PRKN: variants seen among roughly 807,000 people sequenced by gnomAD.
The protein encoded by PRKN is E3 ubiquitin-protein ligase parkin.
PRKN carries 56 observed loss-of-function variants against 59.5 expected under a neutral mutation model. The observed-to-expected ratio is 0.94, with a 90% CI of 0.76 to 1.18. PRKN has a LOEUF of 1.18. PRKN is among the 50% of genes most tolerant of loss of function. The pLI is 0.00. For missense variants in PRKN, 657 were observed against 596.4 expected (o/e 1.10, Z -1.06); for synonymous variants, 250 against 222.1 (o/e 1.13, Z -1.12).
intron 10 of PRKN, among the ~76,000 whole-genome samples, chr6:161,364,954 A>T (rs1484685883): frequency 2.0e-5 from 3 of 151,960 alleles, no homozygotes; most frequent in Non-Finnish European, 4.4e-5. Flanking sequence ...AAATCAGAGT[A>T]GAACTAGATG....
chr6:162,668,268 C>T (rs986865074), intron 1 of PRKN, among the ~76,000 whole-genome samples: 2 of 151,962 alleles, frequency 1.3e-5, no homozygotes, highest in African/African-American at 2.4e-5. Flanking sequence ...ATAAAAAGGG[C>T]ACAGATTTTA....
intron 7 of PRKN, among the ~76,000 whole-genome samples, chr6:161,612,924 A>C (rs1414666413): frequency 6.6e-6 from 1 of 152,132 alleles, no homozygotes; most frequent in Non-Finnish European, 1.5e-5. Flanking sequence ...CTGGTTACCC[A>C]AGAGCTCTGA....
At chr6:162,166,047 CAAAAAAAA>C (rs10557222) in intron 4 of PRKN, among the ~76,000 whole-genome samples, 219 of 80,218 alleles carry the variant, frequency 2.7e-3, no homozygotes, top group Non-Finnish European at 3.9e-3. Context: ...GACTCTATCT[CAAAAAAAA>C]AAAAAAAAAA....
intron 2 of PRKN, among the ~76,000 whole-genome samples, chr6:162,426,393 C>T (rs559851628): frequency 2.6e-5 from 4 of 152,278 alleles, no homozygotes; most frequent in East Asian, 1.9e-4. Flanking sequence ...CTGGATCTTG[C>T]GTGGACAGCA....
At position 162,406,058 on chromosome 6, in the gene PRKN, T is replaced by C. The variant is rs563414163; in HGVS notation, c.171+37252A>G. Among the ~76,000 whole-genome samples, 6 of 152,336 alleles carry C rather than the reference T, an allele frequency of 3.9e-5. No individual in the cohort carries two copies. The South Asian group carries it at 1.2e-3, about 32-fold the overall frequency. On this transcript the variant is annotated intron_variant, in intron 2 of 11. Coordinates refer to ENST00000366898, the MANE Select transcript of PRKN (RefSeq NM_004562.3). ...CAGCTTTACACAAGGAGCATCATTT[T>C]TCCCTAGGTATGATTTTTATCCAAT... is the stretch of plus-strand genomic sequence containing the variant.
At position 162,002,447 on chromosome 6, in the gene PRKN, A is replaced by G. The variant is rs1436098199; in HGVS notation, c.619-29030T>C. On this transcript the variant is annotated intron_variant, in intron 5 of 11. Coordinates refer to ENST00000366898, the MANE Select transcript of PRKN (RefSeq NM_004562.3). ...GATTGTAAATATAGATTTGTTCATA[A>G]TATTCCTTTATAAGCCTTTCATTGT... Among the ~76,000 whole-genome samples, 5 of 152,018 alleles carry G rather than the reference A, an allele frequency of 3.3e-5. No individual in the cohort carries two copies. In the East Asian group the frequency reaches 9.6e-4, roughly 29 times the overall value.
In PRKN at chr6:161,801,185, C is replaced by G. The variant is rs1193146393; in HGVS notation, c.735-15277G>C. Among the ~76,000 whole-genome samples, 4 of 152,234 alleles carry G rather than the reference C, an allele frequency of 2.6e-5. No homozygotes were observed. In the South Asian group the frequency reaches 8.3e-4, roughly 32 times the overall value. On this transcript the variant is annotated intron_variant, in intron 6 of 11. Transcript: ENST00000366898. The stretch of plus-strand genomic sequence containing the variant: ...CAGAGCCAGCGCTGCATAAGTTCCA[C>G]CCACATTCCTCAATTCCGCATGCCA...
intron 9 of PRKN, among the ~76,000 whole-genome samples, chr6:161,474,284 G>A (rs1245910281): frequency 6.6e-6 from 1 of 152,144 alleles, no homozygotes; most frequent in Non-Finnish European, 1.5e-5. Flanking sequence ...TTACCTTGTT[G>A]GCTACCCCAT....
At chr6:162,725,249 A>G (rs370447895) in intron 1 of PRKN, among the ~76,000 whole-genome samples, 1 of 152,204 alleles carries the variant, frequency 6.6e-6, no homozygotes, top group Non-Finnish European at 1.5e-5. Context: ...TTTGAGAAGC[A>G]CTCTTACCTT....
intron 4 of PRKN, among the ~76,000 whole-genome samples, chr6:162,095,444 G>A (rs1779685961): frequency 6.6e-6 from 1 of 152,092 alleles, no homozygotes; most frequent in South Asian, 2.1e-4. Context: ...CATATATGTT[G>A]AGAGGTTATT....
intron 4 of PRKN, among the ~76,000 whole-genome samples, chr6:162,115,435 T>C (rs2128303743): frequency 6.6e-6 from 1 of 152,000 alleles, no homozygotes; most frequent in East Asian, 1.9e-4. Flanking sequence ...GCAAGGCACA[T>C]GTATACATAT....
At chr6:161,889,849 G>C (rs1467921470) in intron 6 of PRKN, among the ~76,000 whole-genome samples, 1 of 152,140 alleles carries the variant, frequency 6.6e-6, no homozygotes, top group African/African-American at 2.4e-5. Context: ...GAAAATGACA[G>C]CTTCCAATTA....
chr6:162,177,349 G>C (rs566038719), intron 4 of PRKN, among the ~76,000 whole-genome samples: 1 of 152,294 alleles, frequency 6.6e-6, no homozygotes, highest in East Asian at 1.9e-4. Context: ...GCATGCCAGA[G>C]ATATCAGAAA....
rs756699323 is a variant in PRKN, at chr6:162,342,355, CGTTGGT to C, written c.172-79596_172-79591del. ...ATACTTTCAAAACAAAACAAAACAA[CGTTGGT>C]GTTTAATAAGACCCTGAATAAGCTA... On this transcript the variant is annotated intron_variant, in intron 2 of 11. Transcript: ENST00000366898. Among the ~76,000 whole-genome samples, 176 of 152,242 alleles carry C rather than the reference CGTTGGT, an allele frequency of 1.2e-3. 1 individual carries two copies. Among genetic ancestry groups the C allele is most frequent in the Non-Finnish European group, 2.0e-3 (139 of 68,018 alleles).
rs990488151 is a variant in PRKN at position 161,538,146 on chromosome 6, G to T, written c.1083+10708C>A. 1.3e-5 allele frequency among the ~76,000 whole-genome samples: 2 copies of T among 152,118 alleles called. No homozygotes were observed. The highest frequency in any genetic ancestry group is 4.8e-5 in the African/African-American group (2 of 41,428). ...AGGAAGAAAATTGCTTTTTGGAAGT[G>T]CAGCAATAGGCCCGCTTGACAAATT... On this transcript the variant is annotated intron_variant, in intron 9 of 11. Coordinates refer to ENST00000366898, the MANE Select transcript of PRKN (RefSeq NM_004562.3). This position sits in a 1 kb window ranked among gnomAD's most constrained non-coding sequence, Gnocchi z 4.2.
intron 7 of PRKN, among the ~76,000 whole-genome samples, chr6:161,753,991 G>A (rs543368359): frequency 1.3e-5 from 2 of 152,208 alleles, no homozygotes; most frequent in South Asian, 2.1e-4. Context: ...AGAGGAGGAC[G>A]ATCCCAGACG....
At chr6:161,938,649 A>G (rs1389968310) in intron 6 of PRKN, among the ~76,000 whole-genome samples, 1 of 152,238 alleles carries the variant, frequency 6.6e-6, no homozygotes, top group African/African-American at 2.4e-5. Context: ...AACGAAAGAA[A>G]CAAGATGAGT....
rs1290684330 is a variant in PRKN at position 161,551,215 on chromosome 6, G to C, written c.934-2212C>G. On this transcript the variant is annotated intron_variant, in intron 8 of 11. Transcript: ENST00000366898. This position sits in a 1 kb window ranked among gnomAD's most constrained non-coding sequence, Gnocchi z 5.2. The stretch of plus-strand genomic sequence containing the variant: ...ATTGCCTGTGAGTGATTACTGCATA[G>C]ATTTCTTAGAGGCTTCATACATAAC... 6.6e-6 allele frequency among the ~76,000 whole-genome samples: 1 copy of C among 152,162 alleles called. No individual in the cohort carries two copies. The highest frequency in any genetic ancestry group is 1.9e-4 in the East Asian group (1 of 5,184).
chr6:161,898,351 A>G (rs780060210), intron 6 of PRKN, among the ~76,000 whole-genome samples: 1 of 152,212 alleles, frequency 6.6e-6, no homozygotes, highest in Non-Finnish European at 1.5e-5. Flanking sequence ...CTAGGGAATC[A>G]CGAAGGTCCC....
Sources: allele counts gnomAD v4.1 joint callset (sites outside exome capture counted in the v4.1 genomes callset), GRCh38; gene constraint gnomAD v4.1.1; non-coding constraint Gnocchi (gnomAD v3.1); transcripts MANE v1.5; gene names NCBI Gene and HGNC (gene_info 2026-07-23, HGNC 2026-07-21).